ZXDC: variants seen among roughly 807,000 people sequenced by gnomAD.
ZXDC encodes zinc finger protein ZXDC.
A neutral mutation model predicts 63.6 loss-of-function variants in ZXDC; 58 were observed. The observed-to-expected ratio is 0.91, with a 90% confidence interval of 0.74 to 1.13. The LOEUF (loss-of-function observed/expected upper bound fraction) is 1.13. ZXDC is among the 50% of genes most tolerant of loss of function. ZXDC has a pLI of 0.00. For missense variants in ZXDC, 1,133 were observed against 1,148.9 expected (o/e 0.99, Z 0.20); for synonymous variants, 561 against 496.1 (o/e 1.13, Z -1.74).
At chr3:126,441,347 C>G in intron 8 of ZXDC, 1 of 1,013,936 alleles carries the variant, frequency 9.9e-7, no homozygotes, top group Admixed American at 5.9e-5. Flanking sequence ...GCAGGCCGCC[C>G]TAGAAATGGG....
intron 7 of ZXDC, chr3:126,442,209 G>A: frequency 3.7e-6 from 1 of 268,486 alleles, no homozygotes; most frequent in Non-Finnish European, 6.8e-6. Flanking sequence ...ACGGTAATCA[G>A]ACACAAGCTG....
chr3:126,475,193 G>T lies in ZXDC; in HGVS notation c.673C>A (p.Leu225Ile), dbSNP rs1484826671. Residue 225 changes from leucine (L) to isoleucine (I), a missense_variant, in exon 1 of 10, where the codon CTC becomes ATC. Physicochemically the swap from Leu to Ile is conservative, Grantham distance 5. Coordinates refer to ENST00000389709, the MANE Select transcript of ZXDC (RefSeq NM_025112.5). ...TCGTGCGACTGCAGGTGCCGCTTGA[G>T]CTTGTAGGACGTTGTGAAGGCCCAA... Reference protein sequence around the residue: ...CGWAFTTSYKLKRHLQSHDKL... With the variant: ...CGWAFTTSYKIKRHLQSHDKL... 6.3e-7 allele frequency: 1 copy of T among 1,591,228 alleles called. No individual in the cohort carries two copies.
intron 7 of ZXDC, chr3:126,458,745 G>A (rs1321289372): frequency 1.0e-6 from 1 of 985,332 alleles, no homozygotes. Flanking sequence ...CTTGGTATAT[G>A]GTCAACTCTT....
intron 9 of ZXDC, 64 bp from the exon 10 acceptor site, chr3:126,438,525 C>T: frequency 6.7e-6 from 10 of 1,492,378 alleles, no homozygotes; most frequent in Non-Finnish European, 9.2e-6. Context: ...TCCTGTGGCT[C>T]CACACAGCAG....
chr3:126,442,974 A>C (rs1192446569), intron 7 of ZXDC: 1 of 152,228 alleles, frequency 6.6e-6, no homozygotes, highest in South Asian at 2.1e-4. Flanking sequence ...TGTCTCCCTG[A>C]CCTGCTCACC....
At chr3:126,454,427 T>C in intron 7 of ZXDC, 1 of 985,450 alleles carries the variant, frequency 1.0e-6, no homozygotes, top group Non-Finnish European at 1.2e-6. Context: ...CCCCATGCTT[T>C]TTCCTTGAAT....
At chr3:126,442,187 T>C (rs1933709659) in intron 7 of ZXDC, 2 of 380,766 alleles carry the variant, frequency 5.3e-6, no homozygotes, top group South Asian at 1.7e-4. Flanking sequence ...ACGTATTTTT[T>C]TGCCAGACGG....
intron 8 of ZXDC, chr3:126,439,944 G>A: frequency 7.1e-7 from 1 of 1,402,844 alleles, no homozygotes; most frequent in Non-Finnish European, 9.2e-7. Flanking sequence ...GATCCCAGCA[G>A]CTTTTGCTGG....
intron 7 of ZXDC, among the ~76,000 whole-genome samples, chr3:126,446,536 G>A (rs1452839402): frequency 1.3e-5 from 2 of 152,306 alleles, no homozygotes; most frequent in South Asian, 2.1e-4. Flanking sequence ...CAGGTGCCCC[G>A]AGAAAGGATC....
chr3:126,453,189 G>C (rs1363061333), intron 7 of ZXDC: 16 of 985,208 alleles, frequency 1.6e-5, no homozygotes, highest in East Asian at 1.1e-4. Context: ...GCATTTTGTT[G>C]CAAGTATTCT....
At chr3:126,454,068 TTTTTTTTGGTAAAGAC>T (rs1934216231) in intron 7 of ZXDC, 1 of 803,632 alleles carries the variant, frequency 1.2e-6, no homozygotes. Context: ...ATATATATTT[TTTTTTTTGGTAAAGAC>T]TTTTGTATAG....
chr3:126,463,912 TA>T (rs1934653374), intron 5 of ZXDC, among the ~76,000 whole-genome samples: 2 of 152,376 alleles, frequency 1.3e-5, no homozygotes, highest in Non-Finnish European at 2.9e-5. Flanking sequence ...GTTGTCATAT[TA>T]CTTTAAAGAT....
At chr3:126,472,933 C>T (rs189376001) in intron 1 of ZXDC, among the ~76,000 whole-genome samples, 5 of 152,262 alleles carry the variant, frequency 3.3e-5, no homozygotes, top group Admixed American at 6.5e-5. Context: ...ACTTCTCCTC[C>T]GACAGAAACA....
chr3:126,458,610 T>C (rs1051023280), intron 7 of ZXDC: 2 of 985,260 alleles, frequency 2.0e-6, no homozygotes, highest in Non-Finnish European at 2.4e-6. Context: ...ACCTCCTTTA[T>C]AGATAGTACT....
At position 126,444,544 on chromosome 3, in the gene ZXDC, T is replaced by A. The variant is rs201703917; in HGVS notation, c.2213-2598A>T. Among the ~76,000 whole-genome samples, 368 of 149,716 alleles carry A rather than the reference T, an allele frequency of 2.5e-3. 7 individuals carry two copies. In the East Asian group the frequency reaches 0.052, roughly 21 times the overall value. ...GAGACTCCCTCTCAAAAAAAAAAAA[T>A]AATAATAATATGAAAACCACTGTAG... On this transcript the variant is annotated intron_variant, in intron 7 of 9. Coordinates refer to ENST00000389709, the MANE Select transcript of ZXDC (RefSeq NM_025112.5).
intron 5 of ZXDC, among the ~76,000 whole-genome samples, chr3:126,462,694 T>A (rs1560101053): frequency 6.6e-6 from 1 of 152,148 alleles, no homozygotes; most frequent in Non-Finnish European, 1.5e-5. Flanking sequence ...GCTCTGAGGA[T>A]ATTTTCCGAA....
chr3:126,467,894 C>T (rs1934837029), intron 4 of ZXDC, among the ~76,000 whole-genome samples: 1 of 152,150 alleles, frequency 6.6e-6, no homozygotes. Context: ...ACAACAGGAC[C>T]CTTGCACACT....
chr3:126,462,361 G>C lies in ZXDC; in HGVS notation c.1442-141C>G, dbSNP rs535114968. 676 of 1,396,238 alleles carry C rather than the reference G, an allele frequency of 4.8e-4. 1 individual carries two copies. Among genetic ancestry groups the C allele is most frequent in the Non-Finnish European group, 6.0e-4 (636 of 1,067,414 alleles). The allele number at this position is 1,396,238 out of a possible 1,614,324, so 86.5% of individuals were successfully genotyped here. On this transcript the variant is annotated intron_variant, in intron 5 of 9. Coordinates refer to ENST00000389709, the MANE Select transcript of ZXDC (RefSeq NM_025112.5). ...CCACACCCTGAAGCTTGGTTATCACGACAGAGTCCCATGGCCGGTCGCTCA... is the reference window on the plus strand; with the variant it reads ...CCACACCCTGAAGCTTGGTTATCACCACAGAGTCCCATGGCCGGTCGCTCA...
At chr3:126,460,791 G>A (rs913583129) in intron 6 of ZXDC, 21 of 985,220 alleles carry the variant, frequency 2.1e-5, no homozygotes, top group Non-Finnish European at 2.5e-5. Flanking sequence ...CCTCACAACT[G>A]ATCCTACTGC....
Sources: allele counts gnomAD v4.1 joint callset (sites outside exome capture counted in the v4.1 genomes callset), GRCh38; gene constraint gnomAD v4.1.1; transcripts MANE v1.5; gene names NCBI Gene and HGNC (gene_info 2026-07-23, HGNC 2026-07-21).